Variants in UMAD1 observed in about 807,000 individuals in gnomAD.
UMAD1 encodes UBAP1-MVB12-associated (UMA)-domain containing protein 1.
A neutral mutation model predicts 6.1 loss-of-function variants in UMAD1; 8 were observed. The ratio of observed to expected loss-of-function variants is 1.30; its 90% CI spans 0.76 to 2.35. UMAD1 has a LOEUF of 2.35. UMAD1 is among the 30% of genes most tolerant of loss of function. The pLI is 0.00. For missense variants in UMAD1, 130 were observed against 78.4 expected, an observed-to-expected ratio of 1.66 and a Z score of -2.49; for synonymous variants, 56 against 31.4, an observed-to-expected ratio of 1.78 and a Z score of -2.61.
At chr7:7,870,719 A>G (rs1187187589) in intron 3 of UMAD1, among the ~76,000 whole-genome samples, 4 of 151,930 alleles carry the variant, frequency 2.6e-5, no homozygotes, top group Admixed American at 6.6e-5. Flanking sequence ...TTTGGCTTAT[A>G]TTTCTCCCCT....
intron 2 of UMAD1, among the ~76,000 whole-genome samples, chr7:7,699,056 G>GC (rs907098043): frequency 6.6e-6 from 1 of 150,920 alleles, no homozygotes; most frequent in East Asian, 1.9e-4. Context: ...GTGTGGGGGG[G>GC]GGGTAGATAC....
At chr7:7,832,315 T>G (rs986706405) in intron 3 of UMAD1, among the ~76,000 whole-genome samples, 6 of 152,238 alleles carry the variant, frequency 3.9e-5, no homozygotes, top group Middle Eastern at 3.4e-3. Flanking sequence ...GTGAAACAGG[T>G]TTTTCTTTTG....
At chr7:7,786,920 C>G (rs1261287143) in intron 2 of UMAD1, among the ~76,000 whole-genome samples, 3 of 152,200 alleles carry the variant, frequency 2.0e-5, no homozygotes, top group African/African-American at 7.2e-5. Context: ...GAAGCCGCTA[C>G]TCTTAGACAA....
At chr7:7,687,189 G>T (rs1780059678) in intron 2 of UMAD1, 1 of 152,156 alleles carries the variant, frequency 6.6e-6, no homozygotes, top group South Asian at 2.1e-4. Flanking sequence ...TTTAAGTTCT[G>T]TCATTTACTT....
chr7:7,753,572 G>T (rs1383683070), intron 2 of UMAD1, among the ~76,000 whole-genome samples: 1 of 152,144 alleles, frequency 6.6e-6, no homozygotes. Context: ...ATGACTTCCA[G>T]TTCTATCCAT....
chr7:7,651,562 A>G (rs1262560702), intron 1 of UMAD1, among the ~76,000 whole-genome samples: 1 of 152,078 alleles, frequency 6.6e-6, no homozygotes, highest in Non-Finnish European at 1.5e-5. Flanking sequence ...TTCCATCCTC[A>G]TGTTGATCTC....
At chr7:7,645,998 C>T (rs1053079460) in intron 1 of UMAD1, among the ~76,000 whole-genome samples, 3 of 152,074 alleles carry the variant, frequency 2.0e-5, no homozygotes, top group African/African-American at 7.2e-5. Context: ...AAACCCCTTA[C>T]GGGAGAGGGA....
rs539629430 is a variant in UMAD1 at position 7,834,242 on chromosome 7, C to T, written c.156+32499C>T. On this transcript the variant is annotated intron_variant, in intron 3 of 3. Transcript: ENST00000682710. Reference sequence around the variant, plus strand: ...TTCACCATGTTGGCCAGGCTGGTCTCGAACTCCTGATCTCAGGTGATCCAC... The same window carrying T: ...TTCACCATGTTGGCCAGGCTGGTCTTGAACTCCTGATCTCAGGTGATCCAC... 3.1e-4 allele frequency among the ~76,000 whole-genome samples: 47 copies of T among 151,778 alleles called. 1 individual carries two copies. Among genetic ancestry groups the T allele is most frequent in the African/African-American group, 1.1e-3 (45 of 41,432 alleles).
intron 3 of UMAD1, chr7:7,868,626 C>T (rs1278710476): frequency 6.6e-6 from 1 of 151,544 alleles, no homozygotes; most frequent in Non-Finnish European, 1.5e-5. Flanking sequence ...AAAATGATGT[C>T]AGAGACTAGG....
rs576546006 is a variant in UMAD1 at position 7,692,139 on chromosome 7, A to C, written c.82+18686A>C. Reference sequence around the variant, plus strand: ...AGAGTACTTCGCCCCCTTTTTCTGCACTCTCGCACACATATCACCATCTTC... The same window carrying C: ...AGAGTACTTCGCCCCCTTTTTCTGCCCTCTCGCACACATATCACCATCTTC... On this transcript the variant is annotated intron_variant, in intron 2 of 3. Coordinates refer to ENST00000682710, the MANE Select transcript of UMAD1 (RefSeq NM_001302348.2). Among the ~76,000 whole-genome samples, 804 of 152,078 alleles carry C rather than the reference A, an allele frequency of 5.3e-3. 8 individuals are homozygous for C. Among genetic ancestry groups the C allele is most frequent in the African/African-American group, 0.018 (762 of 41,476 alleles).
At chr7:7,769,254 G>T (rs951815754) in intron 2 of UMAD1, among the ~76,000 whole-genome samples, 21 of 152,138 alleles carry the variant, frequency 1.4e-4, no homozygotes, top group African/African-American at 5.1e-4. Context: ...ATCTGCTTCT[G>T]TCAATTAGGG....
chr7:7,814,079 G>A (rs949654291), intron 3 of UMAD1, among the ~76,000 whole-genome samples: 2 of 152,104 alleles, frequency 1.3e-5, no homozygotes, highest in Non-Finnish European at 2.9e-5. Flanking sequence ...CGCCTCCCAG[G>A]TTCAAGCGAT....
intron 2 of UMAD1, among the ~76,000 whole-genome samples, chr7:7,772,688 A>G (rs1227896685): frequency 2.0e-5 from 3 of 152,200 alleles, no homozygotes; most frequent in Non-Finnish European, 2.9e-5. Flanking sequence ...TCACAGATGA[A>G]TGGAGTAGAG....
chr7:7,726,999 C>G (rs1781151682), intron 2 of UMAD1, among the ~76,000 whole-genome samples: 1 of 152,208 alleles, frequency 6.6e-6, no homozygotes, highest in African/African-American at 2.4e-5. Flanking sequence ...CAACAGCCCA[C>G]TCCAGGCAGG....
At chr7:7,682,808 C>G (rs1779945598) in intron 2 of UMAD1, among the ~76,000 whole-genome samples, 1 of 152,156 alleles carries the variant, frequency 6.6e-6, no homozygotes, top group Non-Finnish European at 1.5e-5. Context: ...TTACTTTTGA[C>G]CTTTAAATTG....
chr7:7,746,738 C>A (rs1781580649), intron 2 of UMAD1, among the ~76,000 whole-genome samples: 1 of 152,220 alleles, frequency 6.6e-6, no homozygotes, highest in African/African-American at 2.4e-5. Context: ...CAGCCAAATG[C>A]CCTGTCCCTC....
chr7:7,660,047 A>G (rs927710931), intron 1 of UMAD1, among the ~76,000 whole-genome samples: 3 of 152,082 alleles, frequency 2.0e-5, no homozygotes, highest in Admixed American at 6.6e-5. Context: ...TCCCTTTACC[A>G]TTATGTAATG....
intron 2 of UMAD1, among the ~76,000 whole-genome samples, chr7:7,800,527 G>A (rs1782778272): frequency 7.5e-6 from 1 of 134,174 alleles, no homozygotes; most frequent in Non-Finnish European, 1.6e-5. Context: ...CTGAGATTTT[G>A]GTGCACCCAT....
At chr7:7,719,109 A>G (rs1417604994) in intron 2 of UMAD1, among the ~76,000 whole-genome samples, 1 of 152,036 alleles carries the variant, frequency 6.6e-6, no homozygotes, top group Admixed American at 6.5e-5. Context: ...CTGCATTTTT[A>G]TTAATTATCA....
Sources: allele counts gnomAD v4.1 joint callset (sites outside exome capture counted in the v4.1 genomes callset), GRCh38; gene constraint gnomAD v4.1.1; transcripts MANE v1.5; gene names NCBI Gene and HGNC (gene_info 2026-07-23, HGNC 2026-07-21).